Variants in DST observed in about 807,000 individuals in gnomAD.
The protein encoded by DST is dystonin.
In DST, 253 loss-of-function variants were observed where a neutral mutation model predicts 875.2. The ratio of observed to expected loss-of-function variants is 0.29; its 90% confidence interval spans 0.26 to 0.32. DST has a LOEUF of 0.32. Among genes scored for constraint, DST ranks in the 10% least tolerant of loss-of-function variants. The pLI, the probability that DST is intolerant of heterozygous loss-of-function variation, is 1.00. For synonymous variants in DST, 3,124 were observed against 3,197.1 expected, an observed-to-expected ratio of 0.98 and a Z score of 0.77; for missense variants, 8,287 against 9,111.6, an observed-to-expected ratio of 0.91 and a Z score of 3.68.
intron 3 of DST, among the ~76,000 whole-genome samples, chr6:56,859,933 T>C (rs1770117362): frequency 6.6e-6 from 1 of 152,308 alleles, no homozygotes; most frequent in African/African-American, 2.4e-5. Context: ...AGATTGGAGA[T>C]GCAGTTCCCC....
At chr6:56,522,826 C>T (rs979754222) in intron 69 of DST, among the ~76,000 whole-genome samples, 1 of 152,000 alleles carries the variant, frequency 6.6e-6, no homozygotes, top group African/African-American at 2.4e-5. Context: ...GACAGTTGTA[C>T]ATTATAAGAA....
chr6:56,501,580 G>T lies in DST; in HGVS notation c.19680C>A (p.Asp6560Glu). 6.2e-7 allele frequency: 1 copy of T among 1,608,912 alleles called. No homozygotes were observed. The highest frequency in any genetic ancestry group is 8.5e-7 in the Non-Finnish European group (1 of 1,177,562). Residue 6560 changes from aspartate (D) to glutamate (E), a missense_variant, in exon 79 of 104, where the codon GAC (aspartate) becomes GAA (glutamate). Asp to Glu is a conservative substitution (Grantham distance 45, BLOSUM62 2). This residue lies in a region of DST where 1,292 missense variants were observed against 1,552.7 expected (regional missense o/e 0.83). Transcript: ENST00000680361. ...TEESDKHTVQ[D>E]PLMELKLIWD... Reference sequence around the variant, plus strand: ...ATATCAATTTCAGTTCCATTAATGGGTCTTGAACAGTGTGTTTGTCACTCT... The same window carrying T: ...ATATCAATTTCAGTTCCATTAATGGTTCTTGAACAGTGTGTTTGTCACTCT...
At chr6:56,754,233 C>T (rs1166636624) in intron 4 of DST, among the ~76,000 whole-genome samples, 1 of 152,096 alleles carries the variant, frequency 6.6e-6, no homozygotes, top group African/African-American at 2.4e-5. Flanking sequence ...ATTAATTCAA[C>T]AAAAGAAATA....
intron 61 of DST, among the ~76,000 whole-genome samples, chr6:56,541,867 C>T (rs2097132232): frequency 6.6e-6 from 1 of 152,146 alleles, no homozygotes; most frequent in African/African-American, 2.4e-5. Context: ...TCCCAAAGTC[C>T]CCGTTCACAC....
chr6:56,626,290 C>A (rs1003922257), intron 34 of DST, among the ~76,000 whole-genome samples: 1 of 152,118 alleles, frequency 6.6e-6, no homozygotes, highest in Non-Finnish European at 1.5e-5. Context: ...CACTAACTCA[C>A]CAAAGCAACT....
At chr6:56,808,696 A>C (rs938326387) in intron 4 of DST, among the ~76,000 whole-genome samples, 1 of 152,228 alleles carries the variant, frequency 6.6e-6, no homozygotes, top group Non-Finnish European at 1.5e-5. Context: ...GATTTCCCAC[A>C]ACTAGTAAGA....
intron 74 of DST, 58 bp from the exon 75 acceptor site, chr6:56,508,813 C>A: frequency 7.3e-7 from 1 of 1,374,262 alleles, no homozygotes; most frequent in Admixed American, 2.1e-5. Flanking sequence ...ACCAACAAAG[C>A]AGAATGTTAT....
intron 27 of DST, among the ~76,000 whole-genome samples, chr6:56,633,478 G>A (rs1444649158): frequency 1.3e-5 from 2 of 151,526 alleles, no homozygotes; most frequent in African/African-American, 2.4e-5. Flanking sequence ...CGCCCGCCTC[G>A]GCCTCCCAAA....
intron 48 of DST, 138 bp downstream of exon 48, chr6:56,593,525 A>AAAAAAAAAAAAG: frequency 1.7e-6 from 1 of 591,888 alleles, no homozygotes; most frequent in East Asian, 3.4e-5. Flanking sequence ...TCAAAAAAAA[A>AAAAAAAAAAAAG]AAAAAAAATA....
chr6:56,564,638 T>A (rs573609701), intron 55 of DST, among the ~76,000 whole-genome samples: 1 of 152,328 alleles, frequency 6.6e-6, no homozygotes, highest in South Asian at 2.1e-4. Context: ...GAGGGCATCC[T>A]TGTCTTGTGC....
In DST at chr6:56,887,841, A is replaced by G. The variant is rs149146235; in HGVS notation, c.417+12580T>C. Among the ~76,000 whole-genome samples the G allele has an allele frequency of 9.0e-4, 137 of 152,306 alleles. 2 individuals carry two copies. Among genetic ancestry groups the G allele is most frequent in the Middle Eastern group, 3.4e-3 (1 of 294 alleles). ...GTTTCATGAGTTGTTTATAGAGACT[A>G]AACTGTTCATTCAATACAGTCTACC... is the stretch of plus-strand genomic sequence containing the variant. On this transcript the variant is annotated intron_variant, in intron 3 of 103. Coordinates refer to ENST00000680361, the MANE Select transcript of DST (RefSeq NM_001374736.1).
At chr6:56,910,466 ATTTATTTTATTTTAT>A (rs141557334) in intron 2 of DST, among the ~76,000 whole-genome samples, 13 of 151,238 alleles carry the variant, frequency 8.6e-5, no homozygotes, top group Admixed American at 2.6e-4. Context: ...TGAATTGTAC[ATTTATTTTATTTTAT>A]TTTATTTTAT....
intron 94 of DST, 52 bp downstream of exon 94, chr6:56,472,007 T>C (rs1484632669): frequency 2.5e-6 from 4 of 1,585,732 alleles, no homozygotes. Context: ...CAATGTGTTA[T>C]GAGGAATGAG....
In DST at chr6:56,778,353, C is replaced by CT. The variant is rs756542657; in HGVS notation, c.626-43065dup. ...CCCAGAGTCTTCCTTATTCTTTTCTCTTTTTTTTTTTTTTTTCAAATCTGT... is the reference window on the plus strand; with the variant it reads ...CCCAGAGTCTTCCTTATTCTTTTCTCTTTTTTTTTTTTTTTTTCAAATCTGT... On this transcript the variant is annotated intron_variant, in intron 4 of 103. Coordinates refer to ENST00000680361, the MANE Select transcript of DST (RefSeq NM_001374736.1). Among the ~76,000 whole-genome samples the CT allele has an allele frequency of 7.4e-3, 818 of 109,924 alleles. 5 individuals are homozygous for CT. Among genetic ancestry groups the CT allele is most frequent in the Non-Finnish European group, 9.9e-3 (489 of 49,296 alleles). The allele number at this position is 109,924 out of a possible 152,430, so 72.1% of individuals were successfully genotyped here.
intron 36 of DST, chr6:56,616,891 T>C: frequency 6.2e-7 from 1 of 1,613,700 alleles, no homozygotes; most frequent in Non-Finnish European, 8.5e-7. Flanking sequence ...GAACTGCATC[T>C]TCAACAGAAT....
chr6:56,702,000 TTC>T, intron 7 of DST, 35 bp from the exon 8 acceptor site: 3 of 1,284,890 alleles, frequency 2.3e-6, no homozygotes, highest in Non-Finnish European at 3.4e-6. Flanking sequence ...GAAAAAGAGT[TTC>T]TGTTATCACA....
At chr6:56,654,278 T>C (rs187549118) in intron 10 of DST, among the ~76,000 whole-genome samples, 1 of 152,068 alleles carries the variant, frequency 6.6e-6, no homozygotes, top group Non-Finnish European at 1.5e-5. Context: ...TCTTTAAACA[T>C]GTTTATATCC....
At chr6:56,760,181 T>C (rs1301238495) in intron 4 of DST, among the ~76,000 whole-genome samples, 1 of 152,220 alleles carries the variant, frequency 6.6e-6, no homozygotes, top group East Asian at 1.9e-4. Context: ...TTGAAATATG[T>C]ACCTAGAGGC....
At chr6:56,544,925 A>G (rs917859512) in intron 61 of DST, among the ~76,000 whole-genome samples, 4 of 152,216 alleles carry the variant, frequency 2.6e-5, no homozygotes, top group Non-Finnish European at 5.9e-5. Context: ...TGGTTTAGAC[A>G]GCTACTATAA....
Sources: allele counts gnomAD v4.1 joint callset (sites outside exome capture counted in the v4.1 genomes callset), GRCh38; gene constraint gnomAD v4.1.1; regional missense constraint gnomAD v4.1.1; transcripts MANE v1.5; gene names NCBI Gene and HGNC (gene_info 2026-07-23, HGNC 2026-07-21).